PARVB: variants seen among roughly 807,000 people sequenced by gnomAD.
The protein encoded by PARVB is parvin beta.
In PARVB, 46 loss-of-function variants were observed where a neutral mutation model predicts 47.0. The observed-to-expected ratio is 0.98, with a 90% CI of 0.77 to 1.25. PARVB has a LOEUF of 1.25. Ranked by LOEUF, PARVB falls within the 50% of genes most tolerant of loss-of-function variation. The pLI, the probability that PARVB is intolerant of heterozygous loss-of-function variation, is 0.00. For synonymous variants in PARVB, 196 were observed against 196.3 expected (o/e 1.00, Z 0.01); for missense variants, 473 against 471.6 (o/e 1.00, Z -0.03).
chr22:44,161,600 C>T (rs535135975), intron 11 of PARVB, among the ~76,000 whole-genome samples: 189 of 152,362 alleles, frequency 1.2e-3, no homozygotes, highest in African/African-American at 4.1e-3. Context: ...GCGTGAGCCA[C>T]TACATCCAGC....
chr22:44,081,860 TTTC>T (rs1197982387), intron 1 of PARVB, among the ~76,000 whole-genome samples: 1 of 152,192 alleles, frequency 6.6e-6, no homozygotes, highest in African/African-American at 2.4e-5. Context: ...TCGAGGCTCT[TTTC>T]TTCTTATTAT....
At chr22:44,042,447 G>C (rs977579924) in intron 1 of PARVB, among the ~76,000 whole-genome samples, 4 of 152,174 alleles carry the variant, frequency 2.6e-5, no homozygotes, top group African/African-American at 9.7e-5. Context: ...TGGAACTGTA[G>C]AGGCTCATCT....
At chr22:44,013,132 A>G (rs2050540635) in intron 2 of PARVB, among the ~76,000 whole-genome samples, 1 of 152,122 alleles carries the variant, frequency 6.6e-6, no homozygotes, top group African/African-American at 2.4e-5. Context: ...TCTTGACTTC[A>G]GGTGATCCGT....
At chr22:44,091,471 CCTCT>C (rs980944948) in intron 1 of PARVB, among the ~76,000 whole-genome samples, 3 of 152,050 alleles carry the variant, frequency 2.0e-5, no homozygotes, top group African/African-American at 7.2e-5. Context: ...TTCAACACTA[CCTCT>C]CTATTTGCTA....
chr22:44,004,047 T>A (rs993448928), intron 2 of PARVB, among the ~76,000 whole-genome samples: 1 of 152,210 alleles, frequency 6.6e-6, no homozygotes, highest in Non-Finnish European at 1.5e-5. Flanking sequence ...TGGAAGCCTC[T>A]AGAACAGGAT....
At position 44,155,035 on chromosome 22, in the gene PARVB, GGT is replaced by G. The variant is rs143992052; in HGVS notation, c.844-2925_844-2924del. Reference sequence around the variant, plus strand: ...TGTGTGTGGTTTTTGTAGTCTGTGTGGTGTGTGTGTGTGTGTGTGTGTGGTTT... The same window carrying G: ...TGTGTGTGGTTTTTGTAGTCTGTGTGGTGTGTGTGTGTGTGTGTGTGGTTT... On this transcript the variant is annotated intron_variant, in intron 10 of 12. Coordinates refer to ENST00000338758, the MANE Select transcript of PARVB (RefSeq NM_013327.5). This position sits in a 1 kb window ranked among gnomAD's most constrained non-coding sequence, Gnocchi z 4.8. 1.2e-3 allele frequency among the ~76,000 whole-genome samples: 140 copies of G among 116,224 alleles called. 2 individuals carry two copies. The highest frequency in any genetic ancestry group is 4.3e-3 in the Middle Eastern group (1 of 232). 76.2% of individuals were successfully genotyped at this position (116,224 alleles called of 152,430 possible).
At position 44,055,676 on chromosome 22, in the gene PARVB, C is replaced by CTATA. The variant is rs1354059126; in HGVS notation, c.112+31226_112+31227insATAT. On this transcript the variant is annotated intron_variant, in intron 1 of 12. Transcript: ENST00000338758. ...TATCCATCTCTCTCTCTCTCTCTCT[C>CTATA]TCTATATATATATATATTTGAAGAG... Among the ~76,000 whole-genome samples the CTATA allele has an allele frequency of 7.6e-3, 1,048 of 137,776 alleles. 8 individuals carry two copies. The highest frequency in any genetic ancestry group is 0.021 in the African/African-American group (716 of 34,828). The allele number at this position is 137,776 out of a possible 152,430, so 90.4% of individuals were successfully genotyped here.
intron 1 of PARVB, among the ~76,000 whole-genome samples, chr22:44,088,083 A>G (rs2052074255): frequency 6.6e-6 from 1 of 152,160 alleles, no homozygotes; most frequent in Non-Finnish European, 1.5e-5. Context: ...GCCGTCAAGC[A>G]GCTTGCCCAA....
chr22:44,045,804 A>G (rs2051102516), intron 1 of PARVB, among the ~76,000 whole-genome samples: 1 of 152,224 alleles, frequency 6.6e-6, no homozygotes, highest in Non-Finnish European at 1.5e-5. Flanking sequence ...TGTTAGTACT[A>G]CACTGTCTCT....
At chr22:44,056,723 C>T (rs1034237187) in intron 1 of PARVB, among the ~76,000 whole-genome samples, 5 of 151,594 alleles carry the variant, frequency 3.3e-5, no homozygotes, top group African/African-American at 9.7e-5. Flanking sequence ...CCAGGGTGGC[C>T]TCGAACCCCT....
intron 12 of PARVB, among the ~76,000 whole-genome samples, chr22:44,167,063 C>T (rs557940691): frequency 4.6e-5 from 7 of 152,292 alleles, no homozygotes; most frequent in Admixed American, 6.5e-5. Context: ...TGCACGTGGG[C>T]GGGTCTGAAG....
At position 44,168,689 on chromosome 22, in the gene PARVB, G is replaced by C; in HGVS notation, c.*11G>C. On this transcript the variant is annotated 3_prime_UTR_variant, in exon 13 of 13. Transcript: ENST00000338758. ...AAGAACGTGGAGTGACGGGGGAGCT[G>C]TGGATGGTGGCAGGAGTGTCCCAGC... is the stretch of plus-strand genomic sequence containing the variant. The C allele has an allele frequency of 6.3e-7, 1 of 1,580,542 alleles. No individual in the cohort carries two copies. The highest frequency in any genetic ancestry group is 1.1e-5 in the South Asian group (1 of 90,412).
At chr22:44,086,603 A>G in intron 1 of PARVB, 1 of 244,998 alleles carries the variant, frequency 4.1e-6, no homozygotes, top group Non-Finnish European at 6.5e-6. Flanking sequence ...AAGACTGCCC[A>G]ACAGCATCTC....
At chr22:44,038,717 C>T (rs1020947262) in intron 1 of PARVB, among the ~76,000 whole-genome samples, 8 of 151,822 alleles carry the variant, frequency 5.3e-5, no homozygotes, top group Non-Finnish European at 1.0e-4. Context: ...AGGAGGTGGA[C>T]GTTGCAGTGA....
At chr22:44,048,674 GC>G (rs2051156567) in intron 1 of PARVB, among the ~76,000 whole-genome samples, 1 of 152,186 alleles carries the variant, frequency 6.6e-6, no homozygotes, top group Non-Finnish European at 1.5e-5. Flanking sequence ...CGATTCTCCT[GC>G]CTCAGCCTCC....
chr22:44,072,210 C>A (rs2051670761), intron 1 of PARVB, among the ~76,000 whole-genome samples: 1 of 152,184 alleles, frequency 6.6e-6, no homozygotes, highest in Admixed American at 6.5e-5. Context: ...CTACCCTGTC[C>A]CCCTTTCCGG....
intron 2 of PARVB, among the ~76,000 whole-genome samples, chr22:44,009,866 G>A (rs1030546365): frequency 3.4e-5 from 5 of 149,146 alleles, no homozygotes; most frequent in Admixed American, 1.3e-4. Flanking sequence ...GGAGTGCGGC[G>A]GCGTGATCTC....
At chr22:44,128,039 TC>T (rs1308432143) in intron 4 of PARVB, among the ~76,000 whole-genome samples, 3 of 152,156 alleles carry the variant, frequency 2.0e-5, no homozygotes, top group African/African-American at 7.2e-5. Context: ...CACCTTGGCC[TC>T]CCAAAGTGCA....
intron 1 of PARVB, among the ~76,000 whole-genome samples, chr22:44,087,346 G>T (rs2052047520): frequency 6.6e-6 from 1 of 152,226 alleles, no homozygotes; most frequent in African/African-American, 2.4e-5. Flanking sequence ...AAAAGTGTCA[G>T]AAAATGGAGT....
Sources: allele counts gnomAD v4.1 joint callset (sites outside exome capture counted in the v4.1 genomes callset), GRCh38; gene constraint gnomAD v4.1.1; non-coding constraint Gnocchi (gnomAD v3.1); transcripts MANE v1.5; gene names NCBI Gene and HGNC (gene_info 2026-07-23, HGNC 2026-07-21).